Variants in CTNNA3 observed in about 807,000 individuals in gnomAD.
The protein encoded by CTNNA3 is catenin alpha-3.
In CTNNA3, 76 loss-of-function variants were observed where a neutral mutation model predicts 95.7. The observed-to-expected ratio is 0.79, with a 90% CI of 0.66 to 0.96. CTNNA3 has a LOEUF of 0.96. CTNNA3 is among the 40% of genes least tolerant of loss of function. CTNNA3 has a pLI of 0.00. For synonymous variants in CTNNA3, 431 were observed against 374.4 expected, an observed-to-expected ratio of 1.15 and a Z score of -1.74; for missense variants, 1,191 against 1,089.8, an observed-to-expected ratio of 1.09 and a Z score of -1.31.
intron 7 of CTNNA3, among the ~76,000 whole-genome samples, chr10:67,138,457 G>A (rs1860396442): frequency 6.6e-6 from 1 of 152,168 alleles, no homozygotes; most frequent in Non-Finnish European, 1.5e-5. Flanking sequence ...ACTGCTGCCT[G>A]AGCATCTAAC....
chr10:66,991,798 A>C (rs954785568), intron 7 of CTNNA3, among the ~76,000 whole-genome samples: 2 of 152,336 alleles, frequency 1.3e-5, no homozygotes, highest in South Asian at 4.1e-4. Context: ...GATATTTTCT[A>C]GTTTTCTAGT....
chr10:66,733,328 T>C (rs1022373809), intron 9 of CTNNA3, among the ~76,000 whole-genome samples: 5 of 152,054 alleles, frequency 3.3e-5, no homozygotes, highest in African/African-American at 1.2e-4. Flanking sequence ...TAAGTTTTAA[T>C]GCAAACTTTT....
At chr10:67,143,670 A>C (rs78734867) in intron 7 of CTNNA3, among the ~76,000 whole-genome samples, 11,504 of 152,144 alleles carry the variant, frequency 0.076, 590 homozygotes, top group African/African-American at 0.15. Flanking sequence ...CTTCTAATCC[A>C]CGATAACTAC....
At chr10:67,762,380 C>A (rs1478203913) in intron 1 of CTNNA3, among the ~76,000 whole-genome samples, 41 of 148,810 alleles carry the variant, frequency 2.8e-4, no homozygotes, top group Non-Finnish European at 2.7e-4. Context: ...CCCCTCCCCC[C>A]CCCAAAAAAA....
intron 7 of CTNNA3, among the ~76,000 whole-genome samples, chr10:66,997,829 C>T (rs1851440924): frequency 6.6e-6 from 1 of 152,124 alleles, no homozygotes; most frequent in Non-Finnish European, 1.5e-5. Flanking sequence ...TCCACAAAAT[C>T]ACCCAAGCCA....
intron 13 of CTNNA3, among the ~76,000 whole-genome samples, chr10:66,110,704 A>ATCAAC (rs1376194884): frequency 2.6e-5 from 4 of 152,198 alleles, no homozygotes; most frequent in African/African-American, 7.2e-5. Context: ...TGATTATATA[A>ATCAAC]TCAACTCAAG....
At chr10:67,372,959 A>G (rs565431858) in intron 5 of CTNNA3, among the ~76,000 whole-genome samples, 2 of 152,288 alleles carry the variant, frequency 1.3e-5, no homozygotes, top group East Asian at 3.9e-4. Context: ...CCTGCCCTAA[A>G]AGACCTCCTG....
At chr10:67,089,782 C>T (rs569096622) in intron 7 of CTNNA3, among the ~76,000 whole-genome samples, 63 of 150,458 alleles carry the variant, frequency 4.2e-4, no homozygotes, top group African/African-American at 1.3e-3. Flanking sequence ...GTATTTGTCT[C>T]CTAGGCCCCC....
intron 1 of CTNNA3, among the ~76,000 whole-genome samples, chr10:67,749,626 G>C (rs552578417): frequency 5.9e-5 from 9 of 152,252 alleles, no homozygotes; most frequent in African/African-American, 2.2e-4. Context: ...GAAAAAAAGA[G>C]ACAATGTACC....
chr10:66,334,761 T>C (rs1321002170), intron 12 of CTNNA3, among the ~76,000 whole-genome samples: 2 of 152,024 alleles, frequency 1.3e-5, no homozygotes, highest in Non-Finnish European at 2.9e-5. Context: ...CTGTATTTCC[T>C]GAATTTGAAT....
At chr10:66,247,387 A>G (rs948169608) in intron 13 of CTNNA3, among the ~76,000 whole-genome samples, 4 of 152,174 alleles carry the variant, frequency 2.6e-5, no homozygotes, top group African/African-American at 9.6e-5. Context: ...AGAAGGACAC[A>G]AACATGACTG....
intron 13 of CTNNA3, among the ~76,000 whole-genome samples, chr10:66,193,970 C>T (rs1230736066): frequency 1.3e-5 from 2 of 151,988 alleles, no homozygotes; most frequent in Non-Finnish European, 2.9e-5. Flanking sequence ...ATAATATAAC[C>T]CATTATGTCT....
At chr10:67,048,172 C>T (rs1319685191) in intron 7 of CTNNA3, among the ~76,000 whole-genome samples, 1 of 152,068 alleles carries the variant, frequency 6.6e-6, no homozygotes, top group Admixed American at 6.6e-5. Context: ...CTGCCATGTT[C>T]ATGAGGTACA....
chr10:66,705,683 C>T (rs969736678), intron 9 of CTNNA3, among the ~76,000 whole-genome samples: 1 of 151,722 alleles, frequency 6.6e-6, no homozygotes, highest in Non-Finnish European at 1.5e-5. Context: ...GCATAATATC[C>T]CTTCCTTAAC....
intron 7 of CTNNA3, among the ~76,000 whole-genome samples, chr10:67,134,594 G>A (rs1482774515): frequency 6.6e-6 from 1 of 152,110 alleles, no homozygotes; most frequent in Non-Finnish European, 1.5e-5. Flanking sequence ...CACCCATCAA[G>A]AGAGCAAGGA....
At chr10:65,920,715 A>T in intron 17 of CTNNA3, 98 bp from the exon 18 acceptor site, 1 of 1,322,118 alleles carries the variant, frequency 7.6e-7, no homozygotes, top group South Asian at 1.4e-5. Context: ...TGCCCCAGCT[A>T]CTCAGGAGGC....
chr10:66,535,011 C>G (rs1348871785), intron 10 of CTNNA3, among the ~76,000 whole-genome samples: 1 of 152,022 alleles, frequency 6.6e-6, no homozygotes, highest in Non-Finnish European at 1.5e-5. Flanking sequence ...TTTCATTCTC[C>G]AGGACCTGGA....
At chr10:67,006,950 C>A (rs754575857) in intron 7 of CTNNA3, among the ~76,000 whole-genome samples, 1 of 152,106 alleles carries the variant, frequency 6.6e-6, no homozygotes, top group African/African-American at 2.4e-5. Flanking sequence ...TGTGCCACCA[C>A]GTCCAGCTAA....
At chr10:65,926,836 A>C (rs2133126853) in intron 17 of CTNNA3, among the ~76,000 whole-genome samples, 1 of 152,270 alleles carries the variant, frequency 6.6e-6, no homozygotes, top group African/African-American at 2.4e-5. Flanking sequence ...GCAAGTATGT[A>C]GAGATATTAT....
Sources: allele counts gnomAD v4.1 joint callset (sites outside exome capture counted in the v4.1 genomes callset), GRCh38; gene constraint gnomAD v4.1.1; transcripts MANE v1.5; gene names NCBI Gene and HGNC (gene_info 2026-07-23, HGNC 2026-07-21).